DNAAF9: variants seen among roughly 807,000 people sequenced by gnomAD.
DNAAF9 encodes shulin.
Under a neutral mutation model 167.0 loss-of-function variants are expected in DNAAF9, and 90 were observed. That is an observed-to-expected ratio of 0.54 (90% CI 0.45 to 0.64). DNAAF9 has a LOEUF of 0.64. Ranked by LOEUF, DNAAF9 falls within the 30% of genes least tolerant of loss-of-function variation. The probability of loss-of-function intolerance (pLI) is 0.00; values close to 1 mark genes in which losing one functional copy is unlikely to be tolerated. For synonymous variants in DNAAF9, 491 were observed against 508.8 expected (o/e 0.96, Z 0.47); for missense variants, 1,315 against 1,442.2 (o/e 0.91, Z 1.43).
At chr20:3,302,705 G>A (rs1406367485) in intron 21 of DNAAF9, among the ~76,000 whole-genome samples, 3 of 152,232 alleles carry the variant, frequency 2.0e-5, no homozygotes, top group East Asian at 3.9e-4. Flanking sequence ...AATAGATGAT[G>A]TTCATTTATA....
chr20:3,388,916 TAC>T (rs2083787099), intron 1 of DNAAF9, among the ~76,000 whole-genome samples: 1 of 152,228 alleles, frequency 6.6e-6, no homozygotes. Context: ...CACAGAATTG[TAC>T]ACTTAGAAGT....
At chr20:3,299,313 T>C (rs1218618087) in intron 21 of DNAAF9, among the ~76,000 whole-genome samples, 3 of 152,074 alleles carry the variant, frequency 2.0e-5, no homozygotes, top group Non-Finnish European at 2.9e-5. Flanking sequence ...CCTTTTTTGT[T>C]TGTTGTTTTT....
At chr20:3,365,263 C>T (rs1303319503) in intron 6 of DNAAF9, among the ~76,000 whole-genome samples, 3 of 152,318 alleles carry the variant, frequency 2.0e-5, no homozygotes, top group Admixed American at 1.3e-4. Context: ...GCACAATCCA[C>T]TATGCCAGCA....
chr20:3,290,256 C>A, intron 25 of DNAAF9, 39 bp from the exon 26 acceptor site: 2 of 1,244,970 alleles, frequency 1.6e-6, no homozygotes, highest in Non-Finnish European at 2.4e-6. Flanking sequence ...AATTCAACTG[C>A]ATTGCATTAT....
At chr20:3,252,727 A>T in intron 36 of DNAAF9, 43 bp from the exon 37 acceptor site, 1 of 1,233,160 alleles carries the variant, frequency 8.1e-7, no homozygotes, top group East Asian at 2.3e-5. Context: ...CTGGAGGACA[A>T]GGGAGGCTGC....
intron 7 of DNAAF9, among the ~76,000 whole-genome samples, chr20:3,356,731 A>T (rs2083291912): frequency 6.6e-6 from 1 of 152,208 alleles, no homozygotes; most frequent in South Asian, 2.1e-4. Context: ...AGCAGCAACT[A>T]CCTGAGAAAA....
Position 3,376,267 on chromosome 20 carries a change from G to A in DNAAF9, c.319C>T (p.Leu107=), listed in dbSNP as rs1224444143. The A allele has an allele frequency of 1.2e-6, 2 of 1,612,146 alleles. No homozygotes were observed. The highest frequency in any genetic ancestry group is 2.2e-5 in the East Asian group (1 of 44,840). Residue 107 remains leucine, a synonymous_variant, in exon 4 of 37, where the codon CTG becomes TTG. Coordinates refer to ENST00000252032, the MANE Select transcript of DNAAF9 (RefSeq NM_001009984.3). ...CGAAAGTTTACAGGATTACAGTACA[G>A]ATGGACGCTATCCGATTTAATCAAT... ...IILIKSDSVH[L]YCNPVNFRYL...
intron 33 of DNAAF9, among the ~76,000 whole-genome samples, chr20:3,257,839 G>C (rs1416920318): frequency 6.6e-6 from 1 of 152,092 alleles, no homozygotes; most frequent in African/African-American, 2.4e-5. Flanking sequence ...CAAGTAGCTG[G>C]GATTACAGCT....
chr20:3,296,877 C>T lies in DNAAF9; in HGVS notation c.2002G>A (p.Val668Met). Residue 668 changes from valine to methionine, a missense_variant, in exon 23 of 37, where the codon GTG becomes ATG. By Grantham distance (21) the Val-to-Met change is conservative. Transcript: ENST00000252032. ...GCCACTTACAATCTCTTTTGTTCCA[C>T]AGATAATCCATCTTCCTGGATCACT... ...LKVIQEDGLS[V>M]EQKRLHSSAQ... 1 of 1,608,146 alleles carries T rather than the reference C, an allele frequency of 6.2e-7. No individual in the cohort carries two copies. Among genetic ancestry groups the T allele is most frequent in the African/African-American group, 1.3e-5 (1 of 74,922 alleles).
Position 3,344,590 on chromosome 20 carries a change from TACACACACACACACACACACACAC to T in DNAAF9, c.790-883_790-860del, listed in dbSNP as rs4053351. Among the ~76,000 whole-genome samples the T allele has an allele frequency of 4.3e-4, 62 of 144,636 alleles. 1 individual carries two copies. The highest frequency in any genetic ancestry group is 1.2e-3 in the African/African-American group (49 of 39,538). The allele number at this position is 144,636 out of a possible 152,430, so 94.9% of individuals were successfully genotyped here. On this transcript the variant is annotated intron_variant, in intron 8 of 36. Transcript: ENST00000252032. Reference sequence around the variant, plus strand: ...ATATAATGGAAAAAATACACACACATACACACACACACACACACACACACACACACACACACACACACACACACA... The same window carrying T: ...ATATAATGGAAAAAATACACACACATACACACACACACACACACACACACA...
intron 6 of DNAAF9, among the ~76,000 whole-genome samples, chr20:3,364,441 GC>G (rs1249657899): frequency 1.3e-5 from 2 of 152,088 alleles, no homozygotes; most frequent in African/African-American, 4.8e-5. Context: ...TATTAGGAAG[GC>G]CTGGAGCCAC....
chr20:3,402,897 G>C (rs2084007199), intron 1 of DNAAF9, among the ~76,000 whole-genome samples: 1 of 152,092 alleles, frequency 6.6e-6, no homozygotes, highest in Non-Finnish European at 1.5e-5. Flanking sequence ...TCCTGGCATG[G>C]ATATTTTAAA....
chr20:3,317,296 G>A (rs1404887814), intron 17 of DNAAF9, among the ~76,000 whole-genome samples: 1 of 149,068 alleles, frequency 6.7e-6, no homozygotes, highest in Admixed American at 6.8e-5. Context: ...AGGAGGTGGA[G>A]GTTGCAGTGA....
At chr20:3,371,897 A>G (rs934604586) in intron 6 of DNAAF9, among the ~76,000 whole-genome samples, 7 of 152,130 alleles carry the variant, frequency 4.6e-5, no homozygotes, top group East Asian at 1.9e-4. Context: ...GGAGAGTAAG[A>G]AGGAGGAAGT....
intron 1 of DNAAF9, among the ~76,000 whole-genome samples, chr20:3,404,489 C>T (rs1281776013): frequency 6.6e-6 from 1 of 152,226 alleles, no homozygotes; most frequent in South Asian, 2.1e-4. Flanking sequence ...GTTCTTAATA[C>T]TAATAAATGG....
chr20:3,369,821 G>A (rs1161614241), intron 6 of DNAAF9, among the ~76,000 whole-genome samples: 1 of 151,908 alleles, frequency 6.6e-6, no homozygotes, highest in East Asian at 1.9e-4. Flanking sequence ...ATTTCCTAGA[G>A]CTCGTATTTT....
At chr20:3,296,616 A>G in intron 23 of DNAAF9, 1 of 470,022 alleles carries the variant, frequency 2.1e-6, no homozygotes, top group Non-Finnish European at 3.8e-6. Context: ...CTTGTGCTCA[A>G]TTCATCCTCC....
chr20:3,402,735 G>A (rs148922857), intron 1 of DNAAF9, among the ~76,000 whole-genome samples: 438 of 152,072 alleles, frequency 2.9e-3, no homozygotes, highest in African/African-American at 0.01. Context: ...ATGCCACCAC[G>A]CCTGGCTAAT....
chr20:3,326,061 C>T (rs2069705254), intron 13 of DNAAF9, 136 bp downstream of exon 13: 1 of 646,214 alleles, frequency 1.5e-6, no homozygotes, highest in South Asian at 2.0e-5. Context: ...CTCAGGGCTT[C>T]TCTCTGCCTG....
Sources: gnomAD v4.1 joint callset for allele counts (sites outside exome capture counted in the v4.1 genomes callset) on GRCh38, gnomAD v4.1.1 for gene constraint, MANE v1.5 for transcripts, NCBI Gene and HGNC (gene_info 2026-07-23, HGNC 2026-07-21) for gene names.